SPAG16: variants seen among roughly 807,000 people sequenced by gnomAD.
The protein encoded by SPAG16 is sperm-associated antigen 16 protein.
Under a neutral mutation model 80.4 loss-of-function variants are expected in SPAG16, and 86 were observed. The observed-to-expected ratio is 1.07, with a 90% CI of 0.90 to 1.28. The LOEUF is 1.28. SPAG16 is among the 50% of genes most tolerant of loss of function. The pLI is 0.00. For missense variants in SPAG16, 870 were observed against 765.3 expected, an observed-to-expected ratio of 1.14 and a Z score of -1.61; for synonymous variants, 294 against 265.9, an observed-to-expected ratio of 1.11 and a Z score of -1.03.
chr2:214,179,669 A>G (rs941221614), intron 15 of SPAG16, among the ~76,000 whole-genome samples: 10 of 151,510 alleles, frequency 6.6e-5, no homozygotes, highest in Non-Finnish European at 1.0e-4. Flanking sequence ...AATAGAATAG[A>G]TATGAATGTG....
intron 10 of SPAG16, among the ~76,000 whole-genome samples, chr2:213,760,712 G>T (rs1170131078): frequency 6.6e-6 from 1 of 152,132 alleles, no homozygotes; most frequent in Non-Finnish European, 1.5e-5. Context: ...ATCCTAAGAA[G>T]ATTGTCTTAG....
At chr2:214,082,986 T>C (rs578234001) in intron 13 of SPAG16, among the ~76,000 whole-genome samples, 1 of 152,322 alleles carries the variant, frequency 6.6e-6, no homozygotes, top group African/African-American at 2.4e-5. Context: ...TCTCCTCACC[T>C]TTCTCACTTC....
chr2:213,652,899 T>C (rs1017231490), intron 10 of SPAG16, among the ~76,000 whole-genome samples: 3 of 152,174 alleles, frequency 2.0e-5, no homozygotes, highest in Non-Finnish European at 2.9e-5. Context: ...TTCTGTGTCA[T>C]GTCTAAAAAT....
At chr2:213,715,685 T>A (rs1325758122) in intron 10 of SPAG16, among the ~76,000 whole-genome samples, 3 of 152,198 alleles carry the variant, frequency 2.0e-5, no homozygotes, top group Non-Finnish European at 4.4e-5. Flanking sequence ...ACTAGACTGT[T>A]TTCTTTTCAT....
At chr2:213,846,399 T>C (rs923972979) in intron 10 of SPAG16, among the ~76,000 whole-genome samples, 1 of 152,066 alleles carries the variant, frequency 6.6e-6, no homozygotes, top group Non-Finnish European at 1.5e-5. Context: ...GAATAAGATG[T>C]ATTTTAACAT....
At chr2:213,807,335 CT>C (rs78823659) in intron 10 of SPAG16, among the ~76,000 whole-genome samples, 25 of 149,320 alleles carry the variant, frequency 1.7e-4, no homozygotes, top group East Asian at 1.4e-3. Context: ...CACTTGTTTT[CT>C]TTTTTTTTTC....
chr2:213,725,730 T>TA (rs2066739254), intron 10 of SPAG16, among the ~76,000 whole-genome samples: 2 of 152,218 alleles, frequency 1.3e-5, no homozygotes, highest in African/African-American at 4.8e-5. Flanking sequence ...CTTGAGTGTT[T>TA]AAGAAGTTTG....
At chr2:213,812,745 G>GC (rs1292376832) in intron 10 of SPAG16, among the ~76,000 whole-genome samples, 6 of 151,958 alleles carry the variant, frequency 3.9e-5, no homozygotes, top group Non-Finnish European at 5.9e-5. Flanking sequence ...CAAATATTTA[G>GC]CATTTTTTGT....
At chr2:213,682,635 G>T (rs952942952) in intron 10 of SPAG16, among the ~76,000 whole-genome samples, 7 of 152,132 alleles carry the variant, frequency 4.6e-5, no homozygotes, top group Admixed American at 3.3e-4. Flanking sequence ...TGTGGGGTCG[G>T]CATGTCTCTG....
intron 15 of SPAG16, among the ~76,000 whole-genome samples, chr2:214,277,534 C>T (rs568157928): frequency 6.6e-6 from 1 of 152,342 alleles, no homozygotes; most frequent in African/African-American, 2.4e-5. Flanking sequence ...TTCCTTCTGA[C>T]AGTCAGGTCC....
At chr2:214,404,224 C>G (rs888413330) in intron 15 of SPAG16, among the ~76,000 whole-genome samples, 2 of 152,176 alleles carry the variant, frequency 1.3e-5, no homozygotes, top group Admixed American at 1.3e-4. Flanking sequence ...GGACATTATT[C>G]AGTGTCTGAA....
At chr2:213,797,277 G>A (rs2125626923) in intron 10 of SPAG16, among the ~76,000 whole-genome samples, 1 of 152,136 alleles carries the variant, frequency 6.6e-6, no homozygotes. Flanking sequence ...TAAGTATATA[G>A]TATTTATAAA....
chr2:213,835,870 T>G (rs1311156265), intron 10 of SPAG16, among the ~76,000 whole-genome samples: 3 of 152,166 alleles, frequency 2.0e-5, no homozygotes, highest in African/African-American at 7.2e-5. Context: ...AAAAGCAGAG[T>G]AAGAATGGAA....
At chr2:213,302,426 A>T (rs1013707816) in intron 3 of SPAG16, 1 of 152,124 alleles carries the variant, frequency 6.6e-6, no homozygotes, top group Non-Finnish European at 1.5e-5. Flanking sequence ...GTAACAAAAG[A>T]GCTTCTGTAT....
At chr2:213,924,097 T>C (rs1242332459) in intron 11 of SPAG16, 1 of 152,188 alleles carries the variant, frequency 6.6e-6, no homozygotes, top group Non-Finnish European at 1.5e-5. Flanking sequence ...TAGAAGCTGG[T>C]GCTGAGCCCC....
chr2:214,266,772 G>A (rs575571054), intron 15 of SPAG16, among the ~76,000 whole-genome samples: 99 of 150,232 alleles, frequency 6.6e-4, no homozygotes, highest in Non-Finnish European at 6.8e-4. Context: ...ACAAAAAATC[G>A]GTAATGTTTC....
intron 10 of SPAG16, among the ~76,000 whole-genome samples, chr2:213,839,997 G>A (rs1161362888): frequency 6.6e-6 from 1 of 152,186 alleles, no homozygotes; most frequent in Non-Finnish European, 1.5e-5. Context: ...AGAAAGCCAT[G>A]TGCTCAGCAA....
intron 10 of SPAG16, among the ~76,000 whole-genome samples, chr2:213,750,728 T>A (rs1248071043): frequency 6.6e-6 from 1 of 152,238 alleles, no homozygotes; most frequent in African/African-American, 2.4e-5. Flanking sequence ...GCCAATTAGA[T>A]GCACTTGAGT....
chr2:213,399,166 G>C lies in SPAG16; in HGVS notation c.942+24047G>C, dbSNP rs1040981122. On this transcript the variant is annotated intron_variant, in intron 9 of 15. Coordinates refer to ENST00000331683, the MANE Select transcript of SPAG16 (RefSeq NM_024532.5). ...TCTAGGTCCTCCAGAAAGTTAAATA[G>C]AAGTGGTTAAATAGTGGTGGTTATA... Among the ~76,000 whole-genome samples, 18 of 152,046 alleles carry C rather than the reference G, an allele frequency of 1.2e-4. 1 individual carries two copies. The highest frequency in any genetic ancestry group is 3.9e-4 in the African/African-American group (16 of 41,442).
Sources: allele counts gnomAD v4.1 joint callset (sites outside exome capture counted in the v4.1 genomes callset), GRCh38; gene constraint gnomAD v4.1.1; transcripts MANE v1.5; gene names NCBI Gene and HGNC (gene_info 2026-07-23, HGNC 2026-07-21).